Variants in SLC7A13 observed in about 807,000 individuals in gnomAD.
SLC7A13 encodes X-amino acid transporter 2.
SLC7A13 carries 31 observed loss-of-function variants against 32.0 expected under a neutral mutation model. That is an observed-to-expected ratio of 0.97 (90% confidence interval 0.73 to 1.31). The LOEUF (loss-of-function observed/expected upper bound fraction) is 1.31. Among genes scored for constraint, SLC7A13 ranks in the 50% most tolerant of loss-of-function variants. The pLI is 0.00. For synonymous variants in SLC7A13, 232 were observed against 206.9 expected, an observed-to-expected ratio of 1.12 and a Z score of -1.04; for missense variants, 633 against 546.9, an observed-to-expected ratio of 1.16 and a Z score of -1.57.
At chr8:86,217,886 G>GAT in intron 2 of SLC7A13, 55 bp from the exon 3 acceptor site, 1 of 1,449,312 alleles carries the variant, frequency 6.9e-7, no homozygotes. Context: ...AAATACTAAT[G>GAT]ATAAACCTTT....
In SLC7A13 at chr8:86,217,760, T is replaced by G. The variant is rs1225889176; in HGVS notation, c.889A>C (p.Thr297Pro). The G allele has an allele frequency of 1.2e-6, 2 of 1,612,644 alleles. No homozygotes were observed. The highest frequency in any genetic ancestry group is 1.7e-6 in the Non-Finnish European group (2 of 1,179,382). Residue 297 changes from threonine to proline, a missense_variant, in exon 3 of 4, where the codon ACC (threonine) becomes CCC (proline). Transcript: ENST00000297524. ...LAWIMPFAIS[T>P]SLFSNLLISI... ...ATCAGAAGGTTGCTAAATAATGAGG[T>G]AGAAATAGCAAAAGGCATAATCCAT...
chr8:86,222,831 G>A (rs1029565429), intron 2 of SLC7A13, 141 bp downstream of exon 2: 5 of 746,268 alleles, frequency 6.7e-6, no homozygotes, highest in Non-Finnish European at 7.8e-6. Flanking sequence ...ATTCCCTTTG[G>A]CCCTCTGTTA....
chr8:86,219,524 C>T (rs1237008362), intron 2 of SLC7A13, among the ~76,000 whole-genome samples: 1 of 152,156 alleles, frequency 6.6e-6, no homozygotes, highest in Non-Finnish European at 1.5e-5. Context: ...TGTCCCTCTC[C>T]TCACCAGCCT....
chr8:86,221,855 C>T (rs1013272051), intron 2 of SLC7A13, among the ~76,000 whole-genome samples: 30 of 152,098 alleles, frequency 2.0e-4, no homozygotes, highest in African/African-American at 6.8e-4. Context: ...TCATAACAGA[C>T]GCCAGCTTCA....
chr8:86,229,666 G>A lies in SLC7A13; in HGVS notation c.612C>T (p.Ile204=). Residue 204 remains isoleucine (I), a synonymous_variant, in exon 1 of 4, where the codon ATC becomes ATT. Transcript: ENST00000297524. ...QNAFDAELPD[I]SHLIQAIFQG... ...GGAAGATGGCTTGTATAAGGTGAGA[G>A]ATATCTGGAAGTTCAGCATCAAAAG... 6.2e-7 allele frequency: 1 copy of A among 1,614,182 alleles called. No individual in the cohort carries two copies. The highest frequency in any genetic ancestry group is 8.5e-7 in the Non-Finnish European group (1 of 1,180,024).
intron 1 of SLC7A13, among the ~76,000 whole-genome samples, chr8:86,227,339 TGA>T (rs1484508985): frequency 1.3e-5 from 2 of 151,582 alleles, no homozygotes; most frequent in African/African-American, 4.9e-5. Context: ...AGATTGAAAG[TGA>T]GAAAAAATGA....
intron 3 of SLC7A13, chr8:86,215,487 A>G (rs560974678): frequency 4.0e-6 from 1 of 250,012 alleles, no homozygotes; most frequent in Non-Finnish European, 8.1e-6. Flanking sequence ...GGAGATCGAG[A>G]TCAGCCTGGG....
rs757781441 is a variant in SLC7A13 at position 86,230,020 on chromosome 8, T to C, written c.258A>G (p.Arg86=). The change falls in exon 1 of 4, where the codon AGA becomes AGG. Residue 86 remains arginine (R), a synonymous_variant. Transcript: ENST00000297524. ...AAAAAGCAACCGTGGAGCCAAAGTA[T>C]CTCTTGAGAAAATAGTATTGAGCTC... ...CSGAQYYFLK[R]YFGSTVAFLN... 3 of 1,614,134 alleles carry C rather than the reference T, an allele frequency of 1.9e-6. No individual in the cohort carries two copies. The highest frequency in any genetic ancestry group is 3.3e-5 in the Admixed American group (2 of 60,012).
intron 3 of SLC7A13, 40 bp from the exon 4 acceptor site, chr8:86,214,686 A>T: frequency 7.1e-7 from 1 of 1,413,504 alleles, no homozygotes; most frequent in South Asian, 1.2e-5. Flanking sequence ...GGATATGAAC[A>T]TCCATGAATG....
rs755645140 is a variant in SLC7A13 at position 86,228,628 on chromosome 8, A to G, written c.685+965T>C. Among the ~76,000 whole-genome samples the G allele has an allele frequency of 5.3e-4, 80 of 152,150 alleles. 1 individual carries two copies. In the Middle Eastern group the frequency reaches 0.014, roughly 26 times the overall value. On this transcript the variant is annotated intron_variant, in intron 1 of 3. Transcript: ENST00000297524. ...TCGGAGGCAGAGGCGGGTGGCTCAC[A>G]TGAGGCCAAGTGTTCGAGACCAACC...
rs754302977 is a variant in SLC7A13 at position 86,229,711 on chromosome 8, A to G, written c.567T>C (p.Asn189=). 6.2e-7 allele frequency: 1 copy of G among 1,614,224 alleles called. No individual in the cohort carries two copies. Among genetic ancestry groups the G allele is most frequent in the East Asian group, 2.2e-5 (1 of 44,882 alleles). The change falls in exon 1 of 4, where the codon AAT becomes AAC. Residue 189 remains asparagine (N), a synonymous_variant. Coordinates refer to ENST00000297524, the MANE Select transcript of SLC7A13 (RefSeq NM_138817.3). ...VVFLIRGKKE[N]VERFQNAFDA... ...CAAAAGCATTCTGAAATCGTTCTAC[A>G]TTCTCCTTTTTCCCTCTTATCAGGA... is the stretch of plus-strand genomic sequence containing the variant.
chr8:86,223,568 A>G (rs961831340), intron 1 of SLC7A13, among the ~76,000 whole-genome samples: 1 of 152,090 alleles, frequency 6.6e-6, no homozygotes, highest in Non-Finnish European at 1.5e-5. Context: ...TGTGATAAAC[A>G]TGAGTGCAGA....
intron 2 of SLC7A13, among the ~76,000 whole-genome samples, chr8:86,222,503 G>A (rs180726884): frequency 2.0e-4 from 31 of 152,110 alleles, no homozygotes; most frequent in African/African-American, 4.8e-4. Flanking sequence ...ATGGTAAACC[G>A]TATTATTTTA....
intron 2 of SLC7A13, 134 bp downstream of exon 2, chr8:86,222,838 G>T: frequency 1.1e-6 from 1 of 880,024 alleles, no homozygotes; most frequent in Non-Finnish European, 1.6e-6. Flanking sequence ...TTGGCCCTCT[G>T]TTATTTTAGA....
chr8:86,229,737 A>T lies in SLC7A13; in HGVS notation c.541T>A (p.Phe181Ile). ...TTCTCCTTTTTCCCTCTTATCAGGAACACTACTCCAGTTAGGGAAATGAAG... is the reference window on the plus strand; with the variant it reads ...TTCTCCTTTTTCCCTCTTATCAGGATCACTACTCCAGTTAGGGAAATGAAG... ...LSFISLTGVV[F>I]LIRGKKENVE... The change falls in exon 1 of 4, where the codon TTC becomes ATC. Residue 181 changes from phenylalanine (F) to isoleucine (I), a missense_variant. Coordinates refer to ENST00000297524, the MANE Select transcript of SLC7A13 (RefSeq NM_138817.3). The T allele has an allele frequency of 5.6e-6, 9 of 1,614,206 alleles. No individual in the cohort carries two copies. The highest frequency in any genetic ancestry group is 7.6e-6 in the Non-Finnish European group (9 of 1,180,028).
intron 3 of SLC7A13, chr8:86,215,436 C>T: frequency 1.0e-5 from 2 of 200,398 alleles, no homozygotes; most frequent in Non-Finnish European, 2.1e-5. Context: ...GCCTATAATC[C>T]CAACACTTTG....
Position 86,214,367 on chromosome 8 carries a change from A to G in SLC7A13, c.*46T>C, listed in dbSNP as rs766556686. On this transcript the variant is annotated 3_prime_UTR_variant, in exon 4 of 4. Coordinates refer to ENST00000297524, the MANE Select transcript of SLC7A13 (RefSeq NM_138817.3). ...TTAACCTTGATTTGGAATCTGATAT[A>G]TGTTTTTTAGAAGGCCAATTTTTTA... 1.8e-6 allele frequency: 2 copies of G among 1,081,524 alleles called. No individual in the cohort carries two copies. The highest frequency in any genetic ancestry group is 1.6e-5 in the African/African-American group (1 of 62,564). The allele number at this position is 1,081,524 out of a possible 1,614,324, so 67.0% of individuals were successfully genotyped here.
chr8:86,217,486 A>T lies in SLC7A13; in HGVS notation c.1163T>A (p.Leu388Gln), dbSNP rs781547019. ...CAATTTTACCTTATAAGGTATAGATAGATTGGGTTCCTGGTATCTCCGCCT... is the reference window on the plus strand; with the variant it reads ...CAATTTTACCTTATAAGGTATAGATTGATTGGGTTCCTGGTATCTCCGCCT... ...ILRRRYQEPN[L>Q]SIPYKVFLSF... Residue 388 changes from leucine to glutamine, a missense_variant, in exon 3 of 4, where the codon CTA becomes CAA. By Grantham distance (113) the Leu-to-Gln change is moderately radical. Transcript: ENST00000297524. 4.4e-6 allele frequency: 7 copies of T among 1,582,538 alleles called. No homozygotes were observed. Among genetic ancestry groups the T allele is most frequent in the Middle Eastern group, 1.9e-4 (1 of 5,154 alleles).
chr8:86,217,065 T>C (rs976248697), intron 3 of SLC7A13, among the ~76,000 whole-genome samples: 1 of 152,218 alleles, frequency 6.6e-6, no homozygotes, highest in African/African-American at 2.4e-5. Context: ...CAAAGTAAGC[T>C]GATGTTTCAG....
Sources: gnomAD v4.1 joint callset for allele counts (sites outside exome capture counted in the v4.1 genomes callset) on GRCh38, gnomAD v4.1.1 for gene constraint, MANE v1.5 for transcripts, NCBI Gene and HGNC (gene_info 2026-07-23, HGNC 2026-07-21) for gene names.